TRPS1: variants seen among roughly 807,000 people sequenced by gnomAD.
The protein encoded by TRPS1 is transcriptional repressor GATA binding 1, also known as zinc finger transcription factor Trps1.
Under a neutral mutation model 101.2 loss-of-function variants are expected in TRPS1, and 6 were observed. That is an observed-to-expected ratio of 0.06 (90% CI 0.03 to 0.12). The LOEUF (loss-of-function observed/expected upper bound fraction) is 0.12. TRPS1 is among the 10% of genes least tolerant of loss of function. The pLI is 1.00. For missense variants in TRPS1, 1,363 were observed against 1,567.0 expected (o/e 0.87, Z 2.20); for synonymous variants, 578 against 589.8 (o/e 0.98, Z 0.29).
At chr8:115,651,739 C>T (rs1811564506) in intron 1 of TRPS1, among the ~76,000 whole-genome samples, 1 of 151,976 alleles carries the variant, frequency 6.6e-6, no homozygotes, top group Admixed American at 6.6e-5. Context: ...GTGAACATGC[C>T]GAGGAACAGA....
rs1812973123 is a variant in TRPS1, at chr8:115,418,396, G to C, written c.2757C>G (p.Leu919=). The C allele has an allele frequency of 6.2e-7, 1 of 1,614,186 alleles. No individual in the cohort carries two copies. Among genetic ancestry groups the C allele is most frequent in the African/African-American group, 1.3e-5 (1 of 75,046 alleles). The part of the protein sequence containing the change: ...CANCLTTKTS[L]WRKNANGGYV... ...ATCCGCCATTTGCATTCTTTCGCCAGAGAGAGGTCTTTGTGGTCAGGCAAT... is the reference window on the plus strand; with the variant it reads ...ATCCGCCATTTGCATTCTTTCGCCACAGAGAGGTCTTTGTGGTCAGGCAAT... The change falls in exon 6 of 7, where the codon CTC becomes CTG. Residue 919 remains leucine (L), a synonymous_variant. Coordinates refer to ENST00000395715, the MANE Select transcript of TRPS1 (RefSeq NM_014112.5). The surrounding 1 kb of genome is among the most constrained non-coding windows in gnomAD (Gnocchi z 4.3).
chr8:115,425,330 C>G (rs893511032), intron 5 of TRPS1, among the ~76,000 whole-genome samples: 1 of 152,202 alleles, frequency 6.6e-6, no homozygotes, highest in African/African-American at 2.4e-5. Context: ...CAGCCAAGCA[C>G]CCATCTTATA....
chr8:115,481,125 T>C (rs77542418), intron 5 of TRPS1, among the ~76,000 whole-genome samples: 2,058 of 152,234 alleles, frequency 0.014, 46 homozygotes, highest in African/African-American at 0.047. Flanking sequence ...TGATGAAATA[T>C]GCAGAAAAAT....
intron 1 of TRPS1, among the ~76,000 whole-genome samples, chr8:115,657,093 TC>T (rs986740195): frequency 1.4e-4 from 22 of 152,234 alleles, no homozygotes; most frequent in African/African-American, 4.8e-4. Flanking sequence ...CAAGTTAACA[TC>T]CCAGTGATTA....
At chr8:115,478,919 GTA>G (rs952242102) in intron 5 of TRPS1, among the ~76,000 whole-genome samples, 22 of 148,306 alleles carry the variant, frequency 1.5e-4, no homozygotes, top group Admixed American at 4.1e-4. Context: ...ATGTATATAT[GTA>G]TATATGTGTA....
chr8:115,537,784 CG>C (rs1315092296), intron 5 of TRPS1, among the ~76,000 whole-genome samples: 8 of 152,134 alleles, frequency 5.3e-5, no homozygotes, highest in African/African-American at 1.7e-4. Flanking sequence ...CAATGTAATA[CG>C]TAAGTGAGTT....
chr8:115,596,726 T>C (rs910885230), intron 4 of TRPS1, among the ~76,000 whole-genome samples: 18 of 151,578 alleles, frequency 1.2e-4, no homozygotes, highest in African/African-American at 3.9e-4. Context: ...TATGTATGTA[T>C]ACATACATCT....
intron 5 of TRPS1, among the ~76,000 whole-genome samples, chr8:115,437,209 G>C (rs1162348554): frequency 6.6e-6 from 1 of 152,226 alleles, no homozygotes; most frequent in Non-Finnish European, 1.5e-5. Flanking sequence ...CTATGAGGAA[G>C]TAGTATAATG....
intron 3 of TRPS1, among the ~76,000 whole-genome samples, chr8:115,616,669 T>C (rs1397992294): frequency 6.6e-6 from 1 of 152,228 alleles, no homozygotes; most frequent in Non-Finnish European, 1.5e-5. Context: ...TATGGACTTA[T>C]ATATAATTCC....
intron 5 of TRPS1, among the ~76,000 whole-genome samples, chr8:115,551,438 C>CA (rs1465757649): frequency 2.6e-5 from 4 of 151,952 alleles, no homozygotes; most frequent in Non-Finnish European, 4.4e-5. Context: ...TCTCGGGAGC[C>CA]AATGCTTGTA....
rs569393603 is a variant in TRPS1 at position 115,416,841 on chromosome 8, C to T, written c.2823+1489G>A. 3.3e-5 allele frequency among the ~76,000 whole-genome samples: 5 copies of T among 152,088 alleles called. No individual in the cohort carries two copies. In the East Asian group the frequency reaches 9.6e-4, roughly 29 times the overall value. Reference sequence around the variant, plus strand: ...TGTGCATTTCTTTTGCTCAGAATATCCAGGTTTACAAAGAGTTCATATTAG... The same window carrying T: ...TGTGCATTTCTTTTGCTCAGAATATTCAGGTTTACAAAGAGTTCATATTAG... On this transcript the variant is annotated intron_variant, in intron 6 of 6. Transcript: ENST00000395715.
At position 115,411,103 on chromosome 8, in the gene TRPS1, G is replaced by T. The variant is rs1011458468; in HGVS notation, c.*2920C>A. 2 of 151,916 alleles carry T rather than the reference G, an allele frequency of 1.3e-5. No individual in the cohort carries two copies. The highest frequency in any genetic ancestry group is 1.3e-4 in the Admixed American group (2 of 15,192). The allele number at this position is 151,916 out of a possible 1,614,324, so 9.4% of individuals were successfully genotyped here. A position where few individuals can be genotyped will look rare whatever the true frequency, so the allele number is the denominator to read the frequency against. On this transcript the variant is annotated 3_prime_UTR_variant, in exon 7 of 7. Transcript: ENST00000395715. The stretch of plus-strand genomic sequence containing the variant: ...CCCAACCTCTTCTCCACCAAAATAT[G>T]TATAATAATGAAAGCAAAAAATGAA...
chr8:115,583,370 TA>T (rs1263846867), intron 5 of TRPS1, among the ~76,000 whole-genome samples: 20 of 74,940 alleles, frequency 2.7e-4, no homozygotes, highest in South Asian at 3.9e-4. Flanking sequence ...TTGGAATATA[TA>T]AAATAATTTA....
At chr8:115,559,225 T>A (rs1352700202) in intron 5 of TRPS1, among the ~76,000 whole-genome samples, 1 of 152,140 alleles carries the variant, frequency 6.6e-6, no homozygotes, top group Non-Finnish European at 1.5e-5. Context: ...TTTATTATCA[T>A]CCATGGCTGG....
chr8:115,572,230 A>AAG (rs1817220320), intron 5 of TRPS1, among the ~76,000 whole-genome samples: 1 of 152,162 alleles, frequency 6.6e-6, no homozygotes, highest in African/African-American at 2.4e-5. Flanking sequence ...CTTTCACTGC[A>AAG]GAGGGGGCCT....
chr8:115,609,816 T>C (rs1586455231), intron 3 of TRPS1, among the ~76,000 whole-genome samples: 1 of 152,354 alleles, frequency 6.6e-6, no homozygotes, highest in African/African-American at 2.4e-5. Flanking sequence ...TTCCATGAAG[T>C]GTTTTCCATG....
chr8:115,633,834 G>A (rs903079571), intron 1 of TRPS1, among the ~76,000 whole-genome samples: 4 of 152,076 alleles, frequency 2.6e-5, no homozygotes, highest in African/African-American at 4.8e-5. Context: ...TCAGTAGACC[G>A]AGGTATCCCA....
intron 5 of TRPS1, among the ~76,000 whole-genome samples, chr8:115,454,475 T>G (rs1211656946): frequency 3.9e-5 from 6 of 152,192 alleles, no homozygotes; most frequent in Non-Finnish European, 7.3e-5. Flanking sequence ...TCATCAGCAT[T>G]CACACTACTG....
At chr8:115,486,266 T>C (rs1385409753) in intron 5 of TRPS1, among the ~76,000 whole-genome samples, 2 of 152,204 alleles carry the variant, frequency 1.3e-5, no homozygotes. Flanking sequence ...ACCACACTCA[T>C]AAGGTAGCGT....
Sources: allele counts gnomAD v4.1 joint callset (sites outside exome capture counted in the v4.1 genomes callset), GRCh38; gene constraint gnomAD v4.1.1; non-coding constraint Gnocchi (gnomAD v3.1); transcripts MANE v1.5; gene names NCBI Gene and HGNC (gene_info 2026-07-23, HGNC 2026-07-21).